The following MSRA variants were observed in gnomAD, a reference collection of about 807,000 sequenced individuals.
The protein encoded by MSRA is mitochondrial peptide methionine sulfoxide reductase.
In MSRA, 54 loss-of-function variants were observed where a neutral mutation model predicts 31.3. The observed-to-expected ratio is 1.73, with a 90% CI of 1.39 to 2.17. MSRA has a LOEUF of 2.17. Ranked by LOEUF, MSRA falls within the 30% of genes most tolerant of loss-of-function variation. The probability of loss-of-function intolerance (pLI) is 0.00; values close to 1 mark genes in which losing one functional copy is unlikely to be tolerated. For missense variants in MSRA, 507 were observed against 300.9 expected (o/e 1.69, Z -5.07); for synonymous variants, 169 against 116.5 (o/e 1.45, Z -2.90).
intron 2 of MSRA, among the ~76,000 whole-genome samples, chr8:10,235,525 A>C (rs1441989642): frequency 6.6e-6 from 1 of 152,182 alleles, no homozygotes; most frequent in Non-Finnish European, 1.5e-5. Context: ...CTGCAAAACA[A>C]GATAATAGTA....
chr8:10,118,917 A>G (rs1264166409), intron 1 of MSRA, among the ~76,000 whole-genome samples: 1 of 152,132 alleles, frequency 6.6e-6, no homozygotes, highest in Non-Finnish European at 1.5e-5. Flanking sequence ...GGAATATGGG[A>G]AGGCAACAAT....
chr8:10,144,213 C>T (rs556265873), intron 1 of MSRA, among the ~76,000 whole-genome samples: 36 of 152,254 alleles, frequency 2.4e-4, no homozygotes, highest in African/African-American at 7.9e-4. Flanking sequence ...TATCGCTAGT[C>T]GTAGTGTGTC....
At chr8:10,326,057 T>G (rs1262579568) in intron 5 of MSRA, among the ~76,000 whole-genome samples, 1 of 152,366 alleles carries the variant, frequency 6.6e-6, no homozygotes, top group East Asian at 1.9e-4. Flanking sequence ...GCTTGGTGTT[T>G]CTGGCCCCAT....
intron 1 of MSRA, among the ~76,000 whole-genome samples, chr8:10,120,636 C>T (rs1322745035): frequency 2.0e-5 from 3 of 152,200 alleles, no homozygotes; most frequent in Non-Finnish European, 4.4e-5. Flanking sequence ...TCAGGATACC[C>T]AGATGAGAAG....
At chr8:10,111,129 T>C (rs1037739325) in intron 1 of MSRA, among the ~76,000 whole-genome samples, 4 of 152,174 alleles carry the variant, frequency 2.6e-5, no homozygotes, top group Non-Finnish European at 5.9e-5. Flanking sequence ...TTCCGTGTTA[T>C]CCAGGGACGG....
At chr8:10,283,673 T>G (rs757859962) in intron 3 of MSRA, among the ~76,000 whole-genome samples, 1 of 151,466 alleles carries the variant, frequency 6.6e-6, no homozygotes. Flanking sequence ...CTCCCACTTA[T>G]GAGTGAGAAC....
At chr8:10,347,009 C>G (rs1029010519) in intron 5 of MSRA, among the ~76,000 whole-genome samples, 3 of 152,214 alleles carry the variant, frequency 2.0e-5, no homozygotes, top group Non-Finnish European at 4.4e-5. Flanking sequence ...CCTGTCCTCA[C>G]AGACCCTCTT....
chr8:10,381,472 T>A (rs1034503285), intron 5 of MSRA, among the ~76,000 whole-genome samples: 7 of 152,196 alleles, frequency 4.6e-5, no homozygotes, highest in Non-Finnish European at 1.0e-4. Context: ...AAGGGACTTA[T>A]GAGGCCTAGA....
At chr8:10,226,771 GC>G (rs1811039211) in intron 2 of MSRA, among the ~76,000 whole-genome samples, 1 of 152,102 alleles carries the variant, frequency 6.6e-6, no homozygotes, top group Non-Finnish European at 1.5e-5. Context: ...TTTGCCCCAG[GC>G]CAGCTGGTGT....
chr8:10,103,943 C>T (rs571577940), intron 1 of MSRA, among the ~76,000 whole-genome samples: 3 of 152,002 alleles, frequency 2.0e-5, no homozygotes, highest in Non-Finnish European at 2.9e-5. Flanking sequence ...GGAATTACAG[C>T]GTATACATGT....
intron 5 of MSRA, among the ~76,000 whole-genome samples, chr8:10,386,158 C>T (rs1806378533): frequency 6.6e-6 from 1 of 152,112 alleles, no homozygotes; most frequent in Admixed American, 6.5e-5. Context: ...TCTTTTAATT[C>T]TTATGCAGTT....
At chr8:10,394,948 G>C (rs149740297) in intron 5 of MSRA, among the ~76,000 whole-genome samples, 68 of 152,250 alleles carry the variant, frequency 4.5e-4, no homozygotes, top group African/African-American at 1.6e-3. Flanking sequence ...GAGTCTCTTC[G>C]ATGTTGATGA....
At chr8:10,229,104 C>T (rs1426879592) in intron 2 of MSRA, among the ~76,000 whole-genome samples, 1 of 152,176 alleles carries the variant, frequency 6.6e-6, no homozygotes, top group African/African-American at 2.4e-5. Flanking sequence ...TTTAGTTCTA[C>T]TCATTTTTTA....
At chr8:10,075,041 C>T (rs995141348) in intron 1 of MSRA, among the ~76,000 whole-genome samples, 8 of 152,176 alleles carry the variant, frequency 5.3e-5, no homozygotes, top group Non-Finnish European at 1.0e-4. Flanking sequence ...TTAGGAATTG[C>T]TAGCATTTAT....
intron 5 of MSRA, among the ~76,000 whole-genome samples, chr8:10,346,727 C>T (rs537565345): frequency 6.6e-6 from 1 of 152,182 alleles, no homozygotes; most frequent in African/African-American, 2.4e-5. Flanking sequence ...ACCTATTTAG[C>T]TTTCTTGGGT....
chr8:10,327,657 G>A (rs1467906665), intron 5 of MSRA, among the ~76,000 whole-genome samples: 1 of 152,102 alleles, frequency 6.6e-6, no homozygotes, highest in Non-Finnish European at 1.5e-5. Context: ...TACTTGGCTG[G>A]GCACGGTGGC....
rs1811536692 is a variant in MSRA, at chr8:10,232,118, C to G, written c.212-12986C>G. Among the ~76,000 whole-genome samples the G allele has an allele frequency of 2.0e-5, 3 of 152,024 alleles. No individual in the cohort carries two copies. In the South Asian group the frequency reaches 6.2e-4, roughly 32 times the overall value. ...CTAGGATCCCAGGGGTGGAGGCTGC[C>G]CTGGAAATTGTTGTGTACGTGGCTG... On this transcript the variant is annotated intron_variant, in intron 2 of 5. Transcript: ENST00000317173.
chr8:10,333,837 C>A (rs569690926), intron 5 of MSRA, among the ~76,000 whole-genome samples: 1 of 152,262 alleles, frequency 6.6e-6, no homozygotes, highest in East Asian at 1.9e-4. Flanking sequence ...GGGACCTTCC[C>A]TTGCTTTGCA....
At chr8:10,143,078 C>G (rs1448706002) in intron 1 of MSRA, among the ~76,000 whole-genome samples, 2 of 152,106 alleles carry the variant, frequency 1.3e-5, no homozygotes, top group Non-Finnish European at 2.9e-5. Context: ...CCCCAGTTCC[C>G]TCCATCAAAG....
Sources: gnomAD v4.1 joint callset for allele counts (sites outside exome capture counted in the v4.1 genomes callset) on GRCh38, gnomAD v4.1.1 for gene constraint, MANE v1.5 for transcripts, NCBI Gene and HGNC (gene_info 2026-07-23, HGNC 2026-07-21) for gene names.